The following ATXN1 variants were observed in gnomAD, a reference collection of about 807,000 sequenced individuals.
The protein encoded by ATXN1 is ataxin 1, also known as ataxin-1.
In ATXN1, 8 loss-of-function variants were observed where a neutral mutation model predicts 56.4. That is an observed-to-expected ratio of 0.14 (90% CI 0.08 to 0.26). The LOEUF (loss-of-function observed/expected upper bound fraction) is 0.26, where lower values mean the gene tolerates loss of function less well. Ranked by LOEUF, ATXN1 falls within the 10% of genes least tolerant of loss-of-function variation. The probability of loss-of-function intolerance (pLI) is 1.00; values close to 1 mark genes in which losing one functional copy is unlikely to be tolerated. For synonymous variants in ATXN1, 514 were observed against 494.6 expected (o/e 1.04, Z -0.52); for missense variants, 987 against 1,106.5 (o/e 0.89, Z 1.53).
intron 3 of ATXN1, among the ~76,000 whole-genome samples, chr6:16,594,765 G>A (rs532227759): frequency 6.6e-6 from 1 of 152,206 alleles, no homozygotes; most frequent in Non-Finnish European, 1.5e-5. Context: ...ACAGGCGTGA[G>A]CCACCGTGCC....
chr6:16,732,892 C>T (rs1321333136), intron 2 of ATXN1, among the ~76,000 whole-genome samples: 1 of 152,222 alleles, frequency 6.6e-6, no homozygotes, highest in Non-Finnish European at 1.5e-5. Flanking sequence ...AAATCCTAAA[C>T]AGCTAAGACT....
At chr6:16,322,788 G>A (rs2113401432) in intron 7 of ATXN1, among the ~76,000 whole-genome samples, 1 of 152,304 alleles carries the variant, frequency 6.6e-6, no homozygotes, top group South Asian at 2.1e-4. Flanking sequence ...CTCTGAACCT[G>A]TCACTTGTGG....
intron 6 of ATXN1, among the ~76,000 whole-genome samples, chr6:16,414,658 C>A (rs796338037): frequency 6.6e-6 from 1 of 152,142 alleles, no homozygotes; most frequent in African/African-American, 2.4e-5. Context: ...AACAAAAAAA[C>A]GCTAAACCCA....
chr6:16,582,954 G>A (rs1458562628), intron 4 of ATXN1, among the ~76,000 whole-genome samples: 3 of 152,204 alleles, frequency 2.0e-5, no homozygotes, highest in Non-Finnish European at 1.5e-5. Context: ...TGCCTCATCA[G>A]AATCTGGCAG....
At chr6:16,440,106 G>T (rs1385670688) in intron 6 of ATXN1, among the ~76,000 whole-genome samples, 6 of 151,738 alleles carry the variant, frequency 4.0e-5, no homozygotes, top group Non-Finnish European at 7.4e-5. Flanking sequence ...GTGGGGCCAG[G>T]TGCGGTGGCT....
Position 16,474,875 on chromosome 6 carries a change from C to G in ATXN1, c.-161+11097G>C, listed in dbSNP as rs571997585. On this transcript the variant is annotated intron_variant, in intron 6 of 7. Transcript: ENST00000436367. ...ACACACACACACACACTCTCTCTCT[C>G]TTTCTGTAAATATTTGCTGAAAGAA... is the stretch of plus-strand genomic sequence containing the variant. 3.0e-3 allele frequency among the ~76,000 whole-genome samples: 451 copies of G among 152,022 alleles called. 3 individuals are homozygous for G. The highest frequency in any genetic ancestry group is 9.7e-3 in the African/African-American group (403 of 41,458).
chr6:16,349,757 A>T (rs1258230303), intron 6 of ATXN1, among the ~76,000 whole-genome samples: 1 of 152,036 alleles, frequency 6.6e-6, no homozygotes, highest in African/African-American at 2.4e-5. Context: ...TTTTCCCCCT[A>T]AACTGGACCA....
intron 3 of ATXN1, among the ~76,000 whole-genome samples, chr6:16,631,433 C>G (rs148730939): frequency 6.6e-6 from 1 of 152,290 alleles, no homozygotes; most frequent in African/African-American, 2.4e-5. Context: ...CCCCTTGAGT[C>G]CCTTGAATAT....
intron 2 of ATXN1, among the ~76,000 whole-genome samples, chr6:16,709,963 A>C (rs1466961941): frequency 6.6e-6 from 1 of 152,212 alleles, no homozygotes; most frequent in Non-Finnish European, 1.5e-5. Context: ...TGACATCTCA[A>C]CAGAGGCAAA....
intron 4 of ATXN1, among the ~76,000 whole-genome samples, chr6:16,576,551 A>G (rs975029796): frequency 2.0e-5 from 3 of 152,274 alleles, no homozygotes; most frequent in Non-Finnish European, 2.9e-5. Context: ...AGGATGAATA[A>G]GCAAATTCTC....
chr6:16,384,172 T>C (rs185063874), intron 6 of ATXN1, among the ~76,000 whole-genome samples: 3 of 152,362 alleles, frequency 2.0e-5, no homozygotes, highest in Admixed American at 2.0e-4. Flanking sequence ...GAGCTTCATC[T>C]GTTTTCTCTG....
chr6:16,660,737 A>G (rs1003617896), intron 2 of ATXN1, among the ~76,000 whole-genome samples: 1 of 152,176 alleles, frequency 6.6e-6, no homozygotes, highest in African/African-American at 2.4e-5. Context: ...TCTTTATTCA[A>G]AAATGCAACA....
chr6:16,350,456 G>T (rs1316590120), intron 6 of ATXN1, among the ~76,000 whole-genome samples: 1 of 152,284 alleles, frequency 6.6e-6, no homozygotes, highest in East Asian at 1.9e-4. Flanking sequence ...CCATATTTCT[G>T]CTAACGGTTT....
chr6:16,567,801 G>A (rs1254460490), intron 4 of ATXN1, among the ~76,000 whole-genome samples: 1 of 152,218 alleles, frequency 6.6e-6, no homozygotes, highest in African/African-American at 2.4e-5. Context: ...TAAACAAGGT[G>A]TGTAAACTGC....
chr6:16,332,234 A>G (rs538276984), intron 6 of ATXN1, among the ~76,000 whole-genome samples: 2 of 152,094 alleles, frequency 1.3e-5, no homozygotes, highest in Non-Finnish European at 2.9e-5. Context: ...TTCAGTACTG[A>G]TAAGGGGAAA....
intron 2 of ATXN1, among the ~76,000 whole-genome samples, chr6:16,671,353 C>A (rs1581350637): frequency 7.1e-6 from 1 of 140,172 alleles, no homozygotes. Flanking sequence ...AAGAGAAGTA[C>A]AAAAGAGCTA....
chr6:16,391,323 C>T (rs1196140567), intron 6 of ATXN1, among the ~76,000 whole-genome samples: 1 of 152,012 alleles, frequency 6.6e-6, no homozygotes, highest in Non-Finnish European at 1.5e-5. Context: ...CAAAATTGTG[C>T]ACAATTCAAT....
In ATXN1 at chr6:16,326,622, C is replaced by A. The variant is rs201976153; in HGVS notation, c.1689G>T (p.Pro563=). ...HLPVVQSVAS[P]AAAPPTLPPY... is the part of the protein sequence containing the mutation. ...GAGGCAGCGTAGGGGGAGCCGCCGC[C>A]GGGGAGGCCACGGACTGCACCACAG... Residue 563 remains proline, a synonymous_variant, in exon 7 of 8, where the codon CCG becomes CCT. Coordinates refer to ENST00000436367, the MANE Select transcript of ATXN1 (RefSeq NM_001128164.2). The surrounding 1 kb of genome is among the most constrained non-coding windows in gnomAD (Gnocchi z 6.6). The A allele has an allele frequency of 5.0e-6, 8 of 1,614,030 alleles. No homozygotes were observed. The highest frequency in any genetic ancestry group is 6.8e-6 in the Non-Finnish European group (8 of 1,180,032).
intron 6 of ATXN1, among the ~76,000 whole-genome samples, chr6:16,372,596 G>A (rs1031632716): frequency 6.6e-6 from 1 of 152,126 alleles, no homozygotes; most frequent in Non-Finnish European, 1.5e-5. Flanking sequence ...CTTTATAGTA[G>A]TATTTATAGC....
Sources: allele counts gnomAD v4.1 joint callset (sites outside exome capture counted in the v4.1 genomes callset), GRCh38; gene constraint gnomAD v4.1.1; non-coding constraint Gnocchi (gnomAD v3.1); transcripts MANE v1.5; gene names NCBI Gene and HGNC (gene_info 2026-07-23, HGNC 2026-07-21).